Variants in ABI3BP observed in about 807,000 individuals in gnomAD.
The protein encoded by ABI3BP is target of Nesh-SH3.
In ABI3BP, 216 loss-of-function variants were observed where a neutral mutation model predicts 268.6. That is an observed-to-expected ratio of 0.80 (90% CI 0.72 to 0.90). The LOEUF is 0.90. Ranked by LOEUF, ABI3BP falls within the 40% of genes least tolerant of loss-of-function variation. ABI3BP has a pLI of 0.00. For missense variants in ABI3BP, 2,090 were observed against 2,182.4 expected (o/e 0.96, Z 0.84); for synonymous variants, 730 against 730.0 (o/e 1.00, Z 0.00).
At chr3:100,936,698 T>C (rs538685211) in intron 1 of ABI3BP, among the ~76,000 whole-genome samples, 1 of 152,238 alleles carries the variant, frequency 6.6e-6, no homozygotes, top group South Asian at 2.1e-4. Context: ...CTTCCTGGTT[T>C]AGTCTTGGGA....
chr3:100,812,590 G>T, intron 45 of ABI3BP, 67 bp from the exon 46 acceptor site: 1 of 1,049,286 alleles, frequency 9.5e-7, no homozygotes. Flanking sequence ...AAAGTGCTTT[G>T]CATCCAGTAA....
intron 51 of ABI3BP, among the ~76,000 whole-genome samples, chr3:100,799,190 T>TA (rs946860443): frequency 2.2e-4 from 33 of 152,270 alleles, no homozygotes; most frequent in South Asian, 6.2e-4. Context: ...ATTCCTTTAA[T>TA]AAAAAAACTA....
At chr3:100,951,061 C>T (rs1277580220) in intron 1 of ABI3BP, among the ~76,000 whole-genome samples, 2 of 151,980 alleles carry the variant, frequency 1.3e-5, no homozygotes, top group East Asian at 3.8e-4. Flanking sequence ...TTATTTCCCA[C>T]ACCAGCATTA....
In ABI3BP at chr3:100,928,046, G is replaced by T. The variant is rs189879365; in HGVS notation, c.80-1565C>A. ...TTCAATCTTTCTTTAATCCACTAGGGTGACTATTCATGTGTTTCATTGAAG... is the reference window on the plus strand; with the variant it reads ...TTCAATCTTTCTTTAATCCACTAGGTTGACTATTCATGTGTTTCATTGAAG... On this transcript the variant is annotated intron_variant, in intron 1 of 67. Coordinates refer to ENST00000471714, the MANE Select transcript of ABI3BP (RefSeq NM_001375547.2). Among the ~76,000 whole-genome samples the T allele has an allele frequency of 2.5e-3, 380 of 151,560 alleles. 1 individual carries two copies. Among genetic ancestry groups the T allele is most frequent in the African/African-American group, 8.7e-3 (360 of 41,328 alleles).
chr3:100,856,290 C>T (rs1315741010), intron 14 of ABI3BP, among the ~76,000 whole-genome samples: 1 of 152,208 alleles, frequency 6.6e-6, no homozygotes, highest in Non-Finnish European at 1.5e-5. Flanking sequence ...GCTTTCAAGC[C>T]TTGAAATGAT....
chr3:100,866,307 T>G (rs1359755853), intron 10 of ABI3BP, among the ~76,000 whole-genome samples: 1 of 152,206 alleles, frequency 6.6e-6, no homozygotes, highest in African/African-American at 2.4e-5. Context: ...AGTAGTTCAT[T>G]AATAGAAGAG....
Position 100,804,798 on chromosome 3 carries a change from T to A in ABI3BP, c.3751A>T (p.Thr1251Ser), listed in dbSNP as rs755769326. The A allele has an allele frequency of 6.8e-6, 11 of 1,612,882 alleles. No individual in the cohort carries two copies. In the East Asian group the frequency reaches 1.8e-4, roughly 26 times the overall value. The change falls in exon 51 of 68, where the codon ACA becomes TCA. Residue 1251 changes from threonine to serine, a missense_variant. Coordinates refer to ENST00000471714, the MANE Select transcript of ABI3BP (RefSeq NM_001375547.2). ...CATGAAATAAAGCATTTACCAGGTG[T>A]GGTGTATGACACTTCTGGACTTGGT... is the stretch of plus-strand genomic sequence containing the variant. ...TSPSPEVSYT[T>S]PAPKDVLLPH...
At chr3:100,902,536 T>C in intron 3 of ABI3BP, 82 bp downstream of exon 3, 1 of 1,275,036 alleles carries the variant, frequency 7.8e-7, no homozygotes. Flanking sequence ...TCAAGGCATT[T>C]GGTCTCCAGG....
rs1267676640 is a variant in ABI3BP, at chr3:100,838,395, T to C, written c.2008+7A>G. 1.2e-5 allele frequency: 19 copies of C among 1,535,154 alleles called. No homozygotes were observed. The highest frequency in any genetic ancestry group is 1.7e-5 in the Non-Finnish European group (19 of 1,146,150). On this transcript the variant is annotated splice_region_variant and intron_variant, in intron 25 of 67. Transcript: ENST00000471714. ...TTATAGATCAAGGCATTGAAAGTAA[T>C]GATTACCAGGCTGAATTTGAGGTGC...
intron 24 of ABI3BP, 126 bp from the exon 25 acceptor site, chr3:100,838,590 G>A (rs2098642180): frequency 1.2e-6 from 1 of 826,822 alleles, no homozygotes; most frequent in Non-Finnish European, 1.9e-6. Context: ...TGGGGTGTGG[G>A]AAGGGTGAAA....
At chr3:100,843,163 AC>A (rs143582209) in intron 20 of ABI3BP, among the ~76,000 whole-genome samples, 1,680 of 152,336 alleles carry the variant, frequency 0.011, 31 homozygotes, top group African/African-American at 0.038. Flanking sequence ...GCAATGCATA[AC>A]AGCATAAGGT....
intron 4 of ABI3BP, among the ~76,000 whole-genome samples, chr3:100,894,235 A>G (rs1317973751): frequency 6.6e-6 from 1 of 152,210 alleles, no homozygotes; most frequent in South Asian, 2.1e-4. Context: ...ATTAGAGCCA[A>G]TGGGACAATG....
chr3:100,978,937 G>A (rs991442928), intron 1 of ABI3BP, among the ~76,000 whole-genome samples: 3 of 152,192 alleles, frequency 2.0e-5, no homozygotes, highest in Non-Finnish European at 2.9e-5. Flanking sequence ...GAGTGAAAGT[G>A]GGGGAGGTTA....
intron 55 of ABI3BP, 107 bp from the exon 56 acceptor site, chr3:100,789,623 T>C (rs1241851566): frequency 1.9e-6 from 2 of 1,064,958 alleles, no homozygotes; most frequent in African/African-American, 3.2e-5. Flanking sequence ...CATGGACGTA[T>C]AAAGAAGGTT....
intron 4 of ABI3BP, among the ~76,000 whole-genome samples, chr3:100,890,410 T>G (rs1311865801): frequency 6.6e-6 from 1 of 152,074 alleles, no homozygotes; most frequent in Non-Finnish European, 1.5e-5. Flanking sequence ...CACTCTGATT[T>G]CAAGGGAAAA....
intron 20 of ABI3BP, among the ~76,000 whole-genome samples, chr3:100,842,612 G>A (rs1010656389): frequency 6.6e-6 from 1 of 152,082 alleles, no homozygotes; most frequent in Non-Finnish European, 1.5e-5. Flanking sequence ...CATTTGGACT[G>A]GTAAACCAAT....
intron 57 of ABI3BP, among the ~76,000 whole-genome samples, chr3:100,781,373 A>G: frequency 6.6e-6 from 1 of 152,208 alleles, no homozygotes; most frequent in East Asian, 1.9e-4. Context: ...CTGCTTGAGT[A>G]AGAGATAAAA....
Position 100,868,825 on chromosome 3 carries a change from A to G in ABI3BP, c.911-1869T>C, listed in dbSNP as rs184926251. ...TTTAAAAATCTAGCATAATTTTATG[A>G]AATTCTATTTTTAAAACGTCTAAAT... On this transcript the variant is annotated intron_variant, in intron 9 of 67. Coordinates refer to ENST00000471714, the MANE Select transcript of ABI3BP (RefSeq NM_001375547.2). Among the ~76,000 whole-genome samples the G allele has an allele frequency of 8.9e-4, 135 of 151,536 alleles. 1 individual carries two copies. Among genetic ancestry groups the G allele is most frequent in the African/African-American group, 3.2e-3 (132 of 41,342 alleles).
At chr3:100,808,570 A>C (rs569229604) in intron 49 of ABI3BP, among the ~76,000 whole-genome samples, 2 of 152,204 alleles carry the variant, frequency 1.3e-5, no homozygotes, top group South Asian at 4.1e-4. Flanking sequence ...TTTTATCAGA[A>C]TATTTAGTTG....
Sources: allele counts gnomAD v4.1 joint callset (sites outside exome capture counted in the v4.1 genomes callset), GRCh38; gene constraint gnomAD v4.1.1; transcripts MANE v1.5; gene names NCBI Gene and HGNC (gene_info 2026-07-23, HGNC 2026-07-21).